Variants in RBM6 observed in about 807,000 individuals in gnomAD.
RBM6 encodes the protein RNA binding motif protein 6, also known as RNA-binding protein 6.
RBM6 carries 23 observed loss-of-function variants against 140.4 expected under a neutral mutation model. That is an observed-to-expected ratio of 0.16 (90% CI 0.12 to 0.23). RBM6 has a LOEUF of 0.23. Ranked by LOEUF, RBM6 falls within the 10% of genes least tolerant of loss-of-function variation. RBM6 has a pLI of 1.00. For missense variants in RBM6, 1,139 were observed against 1,386.7 expected (o/e 0.82, Z 2.84); for synonymous variants, 439 against 475.6 (o/e 0.92, Z 1.00).
rs368727588 is a variant in RBM6, at chr3:49,969,940, GT to G, written c.1323+1203del. On this transcript the variant is annotated intron_variant, in intron 3 of 20. Transcript: ENST00000266022. ...TATTTCACCATTCCTAGTTAGTTGTGTTTTTTTTTTTCTTTTTTGAGATGGA... is the reference window on the plus strand; with the variant it reads ...TATTTCACCATTCCTAGTTAGTTGTGTTTTTTTTTTCTTTTTTGAGATGGA... Among the ~76,000 whole-genome samples, 32 of 146,880 alleles carry G rather than the reference GT, an allele frequency of 2.2e-4. No individual in the cohort carries two copies. In the East Asian group the frequency reaches 2.6e-3, roughly 12 times the overall value.
intron 6 of RBM6, among the ~76,000 whole-genome samples, chr3:50,042,040 G>A (rs2088949188): frequency 6.6e-6 from 1 of 152,158 alleles, no homozygotes; most frequent in Non-Finnish European, 1.5e-5. Context: ...CCATCCATAT[G>A]CCCTATTTGT....
intron 6 of RBM6, among the ~76,000 whole-genome samples, chr3:50,043,879 GC>G (rs1347934748): frequency 1.6e-5 from 2 of 121,660 alleles, no homozygotes; most frequent in African/African-American, 3.0e-5. Flanking sequence ...ACCGTGCCCA[GC>G]CTTTTTTTTT....
At chr3:50,019,600 C>T (rs1315300130) in intron 6 of RBM6, among the ~76,000 whole-genome samples, 1 of 152,086 alleles carries the variant, frequency 6.6e-6, no homozygotes, top group African/African-American at 2.4e-5. Context: ...GGTGATCCTC[C>T]CACCTCAGCC....
chr3:50,038,510 A>G (rs2088677287), intron 6 of RBM6, among the ~76,000 whole-genome samples: 1 of 152,276 alleles, frequency 6.6e-6, no homozygotes, highest in East Asian at 1.9e-4. Flanking sequence ...AATAGTAGTC[A>G]TCTCAGAATA....
chr3:49,941,783 G>A (rs1325423493), intron 1 of RBM6, among the ~76,000 whole-genome samples: 1 of 151,658 alleles, frequency 6.6e-6, no homozygotes, highest in Non-Finnish European at 1.5e-5. Flanking sequence ...GGCCAGGCTG[G>A]TCTTGAACTA....
chr3:50,041,626 T>C (rs2088925334), intron 6 of RBM6, among the ~76,000 whole-genome samples: 3 of 152,248 alleles, frequency 2.0e-5, no homozygotes, highest in Admixed American at 6.5e-5. Flanking sequence ...TTGCTCTTTC[T>C]GCAGGTCCGT....
At chr3:50,020,432 G>T (rs1161511033) in intron 6 of RBM6, among the ~76,000 whole-genome samples, 1 of 151,748 alleles carries the variant, frequency 6.6e-6, no homozygotes, top group African/African-American at 2.4e-5. Context: ...TCTTTTACTG[G>T]TTTCCTAAAG....
chr3:50,046,344 C>A (rs1222579506), intron 6 of RBM6, among the ~76,000 whole-genome samples: 1 of 151,074 alleles, frequency 6.6e-6, no homozygotes, highest in Non-Finnish European at 1.5e-5. Context: ...CTTTGGGAGG[C>A]CGAGGTGGGC....
intron 1 of RBM6, among the ~76,000 whole-genome samples, chr3:49,958,469 G>A (rs184596777): frequency 3.3e-5 from 5 of 152,076 alleles, no homozygotes; most frequent in Non-Finnish European, 7.4e-5. Context: ...CCAGCTACTC[G>A]GGAGGCTGAG....
chr3:49,968,496 T>G lies in RBM6; in HGVS notation c.1071T>G (p.Phe357Leu). 6.2e-7 allele frequency: 1 copy of G among 1,614,180 alleles called. No homozygotes were observed. Among genetic ancestry groups the G allele is most frequent in the Non-Finnish European group, 8.5e-7 (1 of 1,180,032 alleles). Residue 357 changes from phenylalanine (F) to leucine (L), a missense_variant, in exon 3 of 21, where the codon TTT becomes TTG. Transcript: ENST00000266022. ...VAFEHESPAD[F>L]QNSQSPVQDQ... Reference sequence around the variant, plus strand: ...TTGAACATGAGTCTCCAGCAGACTTTCAGAACAGCCAAAGTCCAGTTCAAG... The same window carrying G: ...TTGAACATGAGTCTCCAGCAGACTTGCAGAACAGCCAAAGTCCAGTTCAAG...
chr3:50,015,296 C>G (rs6446190), intron 6 of RBM6, among the ~76,000 whole-genome samples: 78,263 of 149,716 alleles, frequency 0.52, 21,114 homozygotes, highest in East Asian at 0.86. Flanking sequence ...TTAGCAGAGG[C>G]GGGGTTTCAC....
At chr3:50,061,818 G>A (rs551756512) in intron 14 of RBM6, 144 bp from the exon 15 acceptor site, 19 of 1,296,588 alleles carry the variant, frequency 1.5e-5, no homozygotes, top group Non-Finnish European at 2.0e-5. Context: ...CCTGGAGTGG[G>A]TTTTTAGATT....
chr3:50,049,234 G>A (rs1384173237), intron 7 of RBM6, among the ~76,000 whole-genome samples: 4 of 151,542 alleles, frequency 2.6e-5, no homozygotes, highest in Non-Finnish European at 5.9e-5. Flanking sequence ...CCAGCCTCCC[G>A]AGTAGCTAGG....
At chr3:50,006,778 A>G (rs532705380) in intron 6 of RBM6, among the ~76,000 whole-genome samples, 121 of 151,934 alleles carry the variant, frequency 8.0e-4, no homozygotes, top group Admixed American at 1.6e-3. Flanking sequence ...TAAAAATACA[A>G]AAAAATTAGC....
At chr3:49,995,457 T>C (rs921425558) in intron 5 of RBM6, among the ~76,000 whole-genome samples, 1 of 151,792 alleles carries the variant, frequency 6.6e-6, no homozygotes, top group African/African-American at 2.4e-5. Flanking sequence ...GGCAGGAGAA[T>C]TGCTTGAGCC....
Position 49,967,832 on chromosome 3 carries a change from G to C in RBM6, c.407G>C (p.Arg136Thr). 1.9e-6 allele frequency: 3 copies of C among 1,614,108 alleles called. No homozygotes were observed. Among genetic ancestry groups the C allele is most frequent in the Non-Finnish European group, 2.5e-6 (3 of 1,180,038 alleles). Residue 136 changes from arginine to threonine, a missense_variant, in exon 3 of 21, where the codon AGG (arginine) becomes ACG (threonine). This residue lies in a region of RBM6 where 566 missense variants were observed against 612.7 expected (regional missense o/e 0.92). Coordinates refer to ENST00000266022, the MANE Select transcript of RBM6 (RefSeq NM_005777.3). This position sits in a 1 kb window ranked among gnomAD's most constrained non-coding sequence, Gnocchi z 4.0. ...AGAGAAGGACCACCTATGGACTATA[G>C]GGGTGGAGATGGTACTTCTATGGAT... ...RDREGPPMDYRGGDGTSMDYR... is the reference protein window; with the variant it reads ...RDREGPPMDYTGGDGTSMDYR...
chr3:50,008,530 C>T (rs1247971071), intron 6 of RBM6, among the ~76,000 whole-genome samples: 2 of 148,530 alleles, frequency 1.3e-5, no homozygotes, highest in Non-Finnish European at 3.0e-5. Context: ...TTCATTACCT[C>T]CTGGCTCTTT....
chr3:50,015,852 C>T (rs2087116550), intron 6 of RBM6, among the ~76,000 whole-genome samples: 2 of 152,098 alleles, frequency 1.3e-5, no homozygotes, highest in Admixed American at 6.6e-5. Context: ...GGAGTACCCA[C>T]GTTATGATAC....
At chr3:50,033,974 C>A (rs2088345452) in intron 6 of RBM6, among the ~76,000 whole-genome samples, 1 of 151,918 alleles carries the variant, frequency 6.6e-6, no homozygotes, top group South Asian at 2.1e-4. Flanking sequence ...TTTCCTAAAC[C>A]TTATTATACA....
Sources: gnomAD v4.1 joint callset for allele counts (sites outside exome capture counted in the v4.1 genomes callset) on GRCh38, gnomAD v4.1.1 for gene constraint, gnomAD v4.1.1 regional missense constraint, Gnocchi (gnomAD v3.1) non-coding constraint, MANE v1.5 for transcripts, NCBI Gene and HGNC (gene_info 2026-07-23, HGNC 2026-07-21) for gene names.